NSRP1: variants seen among roughly 807,000 people sequenced by gnomAD.
NSRP1 encodes coiled-coil domain containing 55.
NSRP1 carries 24 observed loss-of-function variants against 54.7 expected under a neutral mutation model. The observed-to-expected ratio is 0.44, with a 90% confidence interval of 0.32 to 0.62. NSRP1 has a LOEUF of 0.62. Among genes scored for constraint, NSRP1 ranks in the 20% least tolerant of loss-of-function variants. The pLI is 0.06. For synonymous variants in NSRP1, 210 were observed against 213.8 expected, an observed-to-expected ratio of 0.98 and a Z score of 0.15; for missense variants, 596 against 651.2, an observed-to-expected ratio of 0.92 and a Z score of 0.92.
At chr17:30,123,986 C>T (rs1416937127) in intron 2 of NSRP1, among the ~76,000 whole-genome samples, 1 of 152,042 alleles carries the variant, frequency 6.6e-6, no homozygotes, top group Admixed American at 6.6e-5. Context: ...TAACACAAAG[C>T]ATCATGGCCA....
chr17:30,137,265 G>A (rs2071758730), intron 2 of NSRP1, among the ~76,000 whole-genome samples: 2 of 152,050 alleles, frequency 1.3e-5, no homozygotes, highest in Admixed American at 1.3e-4. Context: ...CAACTATTCG[G>A]CAATCCTCTC....
At chr17:30,149,827 CCTGTCTCA>C (rs2071889055) in intron 2 of NSRP1, among the ~76,000 whole-genome samples, 1 of 133,596 alleles carries the variant, frequency 7.5e-6, no homozygotes, top group Non-Finnish European at 1.6e-5. Context: ...AGAGCAAGAC[CCTGTCTCA>C]AAAAAAAAAA....
intron 2 of NSRP1, chr17:30,156,397 C>T (rs2071962885): frequency 5.3e-5 from 8 of 151,142 alleles, no homozygotes; most frequent in African/African-American, 1.7e-4. Context: ...CTATGAAATA[C>T]ATTTTTTTAG....
chr17:30,140,913 C>T (rs1029174408), intron 2 of NSRP1, among the ~76,000 whole-genome samples: 1 of 152,138 alleles, frequency 6.6e-6, no homozygotes, highest in African/African-American at 2.4e-5. Context: ...CTCCTGGGCT[C>T]AGGTAATCCT....
At chr17:30,135,597 C>T (rs1458098706) in intron 2 of NSRP1, among the ~76,000 whole-genome samples, 3 of 151,880 alleles carry the variant, frequency 2.0e-5, no homozygotes, top group Non-Finnish European at 4.4e-5. Context: ...CCTCAGCCTC[C>T]GGAGTAGCTG....
At chr17:30,137,105 A>C (rs1173747246) in intron 2 of NSRP1, among the ~76,000 whole-genome samples, 2 of 152,168 alleles carry the variant, frequency 1.3e-5, no homozygotes, top group Non-Finnish European at 2.9e-5. Flanking sequence ...AATAGCAGGC[A>C]TCCTTTTCTT....
chr17:30,139,543 T>A (rs1436013086), intron 2 of NSRP1, among the ~76,000 whole-genome samples: 1 of 152,198 alleles, frequency 6.6e-6, no homozygotes, highest in Non-Finnish European at 1.5e-5. Context: ...AAAATTTTTG[T>A]GTACAGTGTG....
At chr17:30,142,401 C>T (rs1325253620) in intron 2 of NSRP1, among the ~76,000 whole-genome samples, 1 of 151,952 alleles carries the variant, frequency 6.6e-6, no homozygotes, top group African/African-American at 2.4e-5. Flanking sequence ...TCATAGCTCA[C>T]TGCAGCCTCG....
rs371218651 is a variant in NSRP1, at chr17:30,126,625, A to AT, written c.114+8454dup. Among the ~76,000 whole-genome samples, 105 of 152,220 alleles carry AT rather than the reference A, an allele frequency of 6.9e-4. 3 individuals are homozygous for AT. In the East Asian group the frequency reaches 0.017, roughly 25 times the overall value. ...ATTTTTTGAAACAGAGTCTTGTTCT[A>AT]TTGCCCAGGCTGGAGTGCAGTGGTG... On this transcript the variant is annotated intron_variant, in intron 2 of 6. Transcript: ENST00000247026.
Position 30,180,985 on chromosome 17 carries a change from G to T in NSRP1, c.586G>T (p.Glu196Ter). The change falls in exon 6 of 7, where the codon GAA becomes TAA. Residue 196 changes from glutamate to a stop codon, truncating the protein, a stop_gained. Coordinates refer to ENST00000247026, the MANE Select transcript of NSRP1 (RefSeq NM_032141.4). LOFTEE classifies it high-confidence loss of function. ...HLLNQAVGEE[E>*]VPKCSFREAR... is the part of the protein sequence containing the mutation. ...ATTAAATCAAGCAGTTGGTGAAGAG[G>T]AAGTACCTAAATGCAGCTTTCGTGA... 1 of 1,612,842 alleles carries T rather than the reference G, an allele frequency of 6.2e-7. No individual in the cohort carries two copies. The highest frequency in any genetic ancestry group is 8.5e-7 in the Non-Finnish European group (1 of 1,178,924).
At chr17:30,129,178 T>C (rs902077234) in intron 2 of NSRP1, among the ~76,000 whole-genome samples, 1 of 152,056 alleles carries the variant, frequency 6.6e-6, no homozygotes, top group Admixed American at 6.5e-5. Context: ...TAAAAAGATA[T>C]AACACATTTT....
At chr17:30,177,012 T>C (rs1905148928) in intron 3 of NSRP1, among the ~76,000 whole-genome samples, 1 of 152,146 alleles carries the variant, frequency 6.6e-6, no homozygotes, top group Non-Finnish European at 1.5e-5. Context: ...TCAAAGTGTG[T>C]AGACTCTGTA....
At chr17:30,152,996 C>G (rs2071928159) in intron 2 of NSRP1, among the ~76,000 whole-genome samples, 1 of 147,284 alleles carries the variant, frequency 6.8e-6, no homozygotes, top group Non-Finnish European at 1.5e-5. Flanking sequence ...GCACTGCAAC[C>G]TCTGTCTCCC....
At position 30,184,976 on chromosome 17, in the gene NSRP1, G is replaced by A. The variant is rs1415077496; in HGVS notation, c.979G>A (p.Asp327Asn). 3.1e-6 allele frequency: 5 copies of A among 1,613,948 alleles called. No homozygotes were observed. The African/African-American group carries it at 6.7e-5, about 22-fold the overall frequency. ...EDQHQQKQSR[D>N]QENHYTDRDY... ...TCAGCACCAGCAGAAGCAATCCAGAGACCAAGAGAACCATTACACTGACCG... is the reference window on the plus strand; with the variant it reads ...TCAGCACCAGCAGAAGCAATCCAGAAACCAAGAGAACCATTACACTGACCG... Residue 327 changes from aspartate to asparagine, a missense_variant, in exon 7 of 7, where the codon GAC becomes AAC. Physicochemically the swap from Asp to Asn is conservative, Grantham distance 23. Coordinates refer to ENST00000247026, the MANE Select transcript of NSRP1 (RefSeq NM_032141.4).
chr17:30,184,585 T>G, intron 6 of NSRP1, 30 bp from the exon 7 acceptor site: 1 of 1,522,242 alleles, frequency 6.6e-7, no homozygotes, highest in Non-Finnish European at 8.8e-7. Flanking sequence ...TGGCATTTTT[T>G]TCTGCCCTTT....
At chr17:30,180,268 T>C (rs978489177) in intron 5 of NSRP1, among the ~76,000 whole-genome samples, 2 of 152,230 alleles carry the variant, frequency 1.3e-5, no homozygotes, top group African/African-American at 2.4e-5. Flanking sequence ...GTGATTCTTA[T>C]GCCTCAGGCT....
intron 2 of NSRP1, among the ~76,000 whole-genome samples, chr17:30,122,987 A>C (rs954218364): frequency 6.6e-6 from 1 of 151,766 alleles, no homozygotes; most frequent in African/African-American, 2.4e-5. Flanking sequence ...GTCTCACTAT[A>C]TTGGCCAGGT....
chr17:30,140,386 A>T (rs1040516268), intron 2 of NSRP1, among the ~76,000 whole-genome samples: 1 of 152,158 alleles, frequency 6.6e-6, no homozygotes, highest in African/African-American at 2.4e-5. Flanking sequence ...TAAAGAGTAT[A>T]AAAGAGACCA....
chr17:30,178,435 A>C (rs1344747206), intron 4 of NSRP1, among the ~76,000 whole-genome samples: 1 of 152,156 alleles, frequency 6.6e-6, no homozygotes, highest in Non-Finnish European at 1.5e-5. Context: ...CTTTGCAAAT[A>C]GTTTTTTGAA....
Sources: allele counts gnomAD v4.1 joint callset (sites outside exome capture counted in the v4.1 genomes callset), GRCh38; gene constraint gnomAD v4.1.1; transcripts MANE v1.5; gene names NCBI Gene and HGNC (gene_info 2026-07-23, HGNC 2026-07-21).